Variants in PEBP4 observed in about 807,000 individuals in gnomAD.
The protein encoded by PEBP4 is phosphatidylethanolamine-binding protein 4.
Under a neutral mutation model 23.9 loss-of-function variants are expected in PEBP4, and 22 were observed. The observed-to-expected ratio is 0.92, with a 90% CI of 0.66 to 1.31. The LOEUF (loss-of-function observed/expected upper bound fraction) is 1.31. Ranked by LOEUF, PEBP4 falls within the 40% of genes most tolerant of loss-of-function variation. PEBP4 has a pLI of 0.00. For synonymous variants in PEBP4, 112 were observed against 99.3 expected (o/e 1.13, Z -0.76); for missense variants, 324 against 281.7 (o/e 1.15, Z -1.07).
intron 4 of PEBP4, among the ~76,000 whole-genome samples, chr8:22,797,756 C>T (rs4872027): frequency 0.63 from 95,975 of 151,982 alleles, 30,559 homozygotes; most frequent in South Asian, 0.71. Flanking sequence ...CAGTGTATCA[C>T]GACTGTTCAC....
At chr8:22,911,264 C>G (rs554133252) in intron 3 of PEBP4, among the ~76,000 whole-genome samples, 1 of 152,306 alleles carries the variant, frequency 6.6e-6, no homozygotes, top group South Asian at 2.1e-4. Flanking sequence ...ACCAACATGT[C>G]AGGGGTGCGC....
At chr8:22,809,262 G>T (rs1191852289) in intron 4 of PEBP4, among the ~76,000 whole-genome samples, 1 of 152,118 alleles carries the variant, frequency 6.6e-6, no homozygotes, top group Non-Finnish European at 1.5e-5. Flanking sequence ...ACAGATTCAG[G>T]GAGGTAAACA....
At position 22,764,851 on chromosome 8, in the gene PEBP4, C is replaced by G. The variant is rs774800251; in HGVS notation, c.358-37631G>C. On this transcript the variant is annotated intron_variant, in intron 4 of 6. Coordinates refer to ENST00000256404, the MANE Select transcript of PEBP4 (RefSeq NM_144962.3). ...AGTGGATGATTTGACAGAGGCCTCT[C>G]ACCCACCCCCAATCCAGGTTCCAAG... Among the ~76,000 whole-genome samples, 49 of 152,050 alleles carry G rather than the reference C, an allele frequency of 3.2e-4. 1 individual carries two copies. Among genetic ancestry groups the G allele is most frequent in the Non-Finnish European group, 4.9e-4 (33 of 68,016 alleles).
intron 4 of PEBP4, among the ~76,000 whole-genome samples, chr8:22,807,374 GGTCTCT>G (rs1357636007): frequency 1.3e-5 from 2 of 152,058 alleles, no homozygotes; most frequent in African/African-American, 4.8e-5. Flanking sequence ...TGGGGAGAGG[GGTCTCT>G]GTCTGAGATA....
intron 3 of PEBP4, among the ~76,000 whole-genome samples, chr8:22,912,054 T>C (rs1156305803): frequency 1.3e-5 from 2 of 151,920 alleles, no homozygotes; most frequent in South Asian, 2.1e-4. Flanking sequence ...CGCTGTTTGA[T>C]TAAAAGCTGC....
rs115386442 is a variant in PEBP4, at chr8:22,810,473, G to A, written c.357+7164C>T. On this transcript the variant is annotated intron_variant, in intron 4 of 6. Transcript: ENST00000256404. ...CCTAAGAGCATCTGCTCAGGGGTGG[G>A]TGTCTGAGGCTCAAAGGACAGTGAA... 7.0e-3 allele frequency among the ~76,000 whole-genome samples: 1,067 copies of A among 152,212 alleles called. 8 individuals are homozygous for A. Among genetic ancestry groups the A allele is most frequent in the African/African-American group, 0.024 (1,003 of 41,498 alleles).
At chr8:22,871,882 C>A (rs898925264) in intron 3 of PEBP4, among the ~76,000 whole-genome samples, 1 of 152,028 alleles carries the variant, frequency 6.6e-6, no homozygotes, top group Non-Finnish European at 1.5e-5. Context: ...CACCTGTCAC[C>A]CAAGTAGTGT....
At chr8:22,753,639 G>T (rs1805314073) in intron 4 of PEBP4, among the ~76,000 whole-genome samples, 1 of 152,194 alleles carries the variant, frequency 6.6e-6, no homozygotes, top group Admixed American at 6.5e-5. Context: ...CTCCAGAGTG[G>T]CTTAGGCAAA....
At chr8:22,720,125 C>T (rs1157593384) in intron 6 of PEBP4, among the ~76,000 whole-genome samples, 5 of 152,296 alleles carry the variant, frequency 3.3e-5, no homozygotes, top group African/African-American at 1.2e-4. Context: ...GAGCGCTTCT[C>T]TCAAGGAACT....
intron 3 of PEBP4, among the ~76,000 whole-genome samples, chr8:22,873,560 T>C (rs1188419392): frequency 6.6e-6 from 1 of 152,016 alleles, no homozygotes; most frequent in Non-Finnish European, 1.5e-5. Flanking sequence ...TAAGGCCAGG[T>C]GTTCAAGGCT....
chr8:22,733,318 C>T (rs1804778641), intron 4 of PEBP4, among the ~76,000 whole-genome samples: 1 of 152,168 alleles, frequency 6.6e-6, no homozygotes, highest in Admixed American at 6.5e-5. Flanking sequence ...TTGAGCCATC[C>T]CTACTTAACA....
intron 4 of PEBP4, among the ~76,000 whole-genome samples, chr8:22,817,355 G>A (rs1256159803): frequency 2.0e-5 from 3 of 152,204 alleles, no homozygotes; most frequent in Admixed American, 1.3e-4. Context: ...CACCACTCCC[G>A]TGGTGGGAGT....
At chr8:22,765,390 C>T (rs1007400855) in intron 4 of PEBP4, among the ~76,000 whole-genome samples, 60 of 152,244 alleles carry the variant, frequency 3.9e-4, no homozygotes, top group Middle Eastern at 6.8e-3. Context: ...GTGATCTGCC[C>T]GCCTTGGCCT....
At chr8:22,752,208 C>T (rs1390629840) in intron 4 of PEBP4, among the ~76,000 whole-genome samples, 1 of 152,180 alleles carries the variant, frequency 6.6e-6, no homozygotes, top group Non-Finnish European at 1.5e-5. Flanking sequence ...CCTGTCTGGT[C>T]CCATCCTCCC....
chr8:22,810,739 A>C (rs1806607584), intron 4 of PEBP4, among the ~76,000 whole-genome samples: 1 of 151,586 alleles, frequency 6.6e-6, no homozygotes, highest in African/African-American at 2.4e-5. Context: ...AAAGAGAAAG[A>C]AAGAGTGAGT....
rs149387621 is a variant in PEBP4 at position 22,761,308 on chromosome 8, C to T, written c.358-34088G>A. On this transcript the variant is annotated intron_variant, in intron 4 of 6. Coordinates refer to ENST00000256404, the MANE Select transcript of PEBP4 (RefSeq NM_144962.3). ...CACAGTCCCCTCTGGGGGCCAGGGGCGCCCCTTGATGCCAACCGGAAAGCC... is the reference window on the plus strand; with the variant it reads ...CACAGTCCCCTCTGGGGGCCAGGGGTGCCCCTTGATGCCAACCGGAAAGCC... Among the ~76,000 whole-genome samples, 1,403 of 152,082 alleles carry T rather than the reference C, an allele frequency of 9.2e-3. 7 individuals are homozygous for T. Among genetic ancestry groups the T allele is most frequent in the Non-Finnish European group, 0.014 (947 of 67,982 alleles).
chr8:22,851,219 G>A lies in PEBP4; in HGVS notation c.259-33484C>T, dbSNP rs6998426. 8.1e-3 allele frequency among the ~76,000 whole-genome samples: 1,235 copies of A among 152,214 alleles called. 12 individuals are homozygous for A. The highest frequency in any genetic ancestry group is 0.028 in the African/African-American group (1,178 of 41,524). ...TAAGTTCTAACATGCAGGACTCCAC[G>A]GAGACTCCTGGGCTTCTGGAAGACG... On this transcript the variant is annotated intron_variant, in intron 3 of 6. Transcript: ENST00000256404.
Position 22,817,667 on chromosome 8 carries a change from G to C in PEBP4, c.327C>G (p.Phe109Leu), listed in dbSNP as rs755238010. ...APSRAEPRQR[F>L]WRHWLVTDIK... ...TATCTGTTACCAGCCAATGTCTCCA[G>C]AATCTCTGTCTGGGTTCTGCTCTGC... Residue 109 changes from phenylalanine (F) to leucine (L), a missense_variant, in exon 4 of 7, where the codon TTC becomes TTG. Phe to Leu is a conservative substitution (Grantham distance 22). Coordinates refer to ENST00000256404, the MANE Select transcript of PEBP4 (RefSeq NM_144962.3). 4 of 1,614,186 alleles carry C rather than the reference G, an allele frequency of 2.5e-6. No homozygotes were observed.
In PEBP4 at chr8:22,916,541, T is replaced by C. The variant is rs118170590; in HGVS notation, c.258+3643A>G. On this transcript the variant is annotated intron_variant, in intron 3 of 6. Coordinates refer to ENST00000256404, the MANE Select transcript of PEBP4 (RefSeq NM_144962.3). ...GGGGGAGGAGAGAGTCCTGCTGCCC[T>C]GGGTTCACTAGGTTTAGCAGCTTTC... is the stretch of plus-strand genomic sequence containing the variant. Among the ~76,000 whole-genome samples, 1,015 of 151,518 alleles carry C rather than the reference T, an allele frequency of 6.7e-3. 52 individuals carry two copies. The East Asian group carries it at 0.12, about 18-fold the overall frequency.
Sources: gnomAD v4.1 joint callset for allele counts (sites outside exome capture counted in the v4.1 genomes callset) on GRCh38, gnomAD v4.1.1 for gene constraint, MANE v1.5 for transcripts, NCBI Gene and HGNC (gene_info 2026-07-23, HGNC 2026-07-21) for gene names.